Variants in ZNF185 observed in about 807,000 individuals in gnomAD.
ZNF185 encodes zinc finger protein 185.
Under a neutral mutation model 58.6 loss-of-function variants are expected in ZNF185, and 56 were observed. The ratio of observed to expected loss-of-function variants is 0.95; its 90% CI spans 0.77 to 1.19. The LOEUF is 1.19. Ranked by LOEUF, ZNF185 falls within the 50% of genes most tolerant of loss-of-function variation. The probability of loss-of-function intolerance (pLI) is 0.00; values close to 1 mark genes in which losing one functional copy is unlikely to be tolerated. For missense variants in ZNF185, 627 were observed against 573.5 expected (o/e 1.09, Z -0.95); for synonymous variants, 230 against 215.9 (o/e 1.07, Z -0.57).
chrX:152,942,085 G>A (rs1459584439), intron 15 of ZNF185, among the ~76,000 whole-genome samples: 2 of 95,273 alleles, frequency 2.1e-5, no homozygotes, highest in Non-Finnish European at 4.2e-5. Context: ...CGGGCTGACC[G>A]GGGCTGGTCT....
exon 22 of ZNF185, chrX:152,970,469 C>T (rs782293901): frequency 6.9e-5 from 84 of 1,209,890 alleles, no homozygotes; most frequent in Non-Finnish European, 9.1e-5. Flanking sequence ...AACCGATGGG[C>T]GATCTCCTGG....
In ZNF185 at chrX:152,970,840, G is replaced by A. The variant is rs782017161; in HGVS notation, c.*299G>A. Reference sequence around the variant, plus strand: ...CGGCCGCTGTTGTTAGCCCCATTTTGCAACAAGGAAATAAAGATATAGAAA... The same window carrying A: ...CGGCCGCTGTTGTTAGCCCCATTTTACAACAAGGAAATAAAGATATAGAAA... On this transcript the variant is annotated intron_variant, in intron 22 of 22. Transcript: ENST00000449285. 5.4e-5 allele frequency among the ~76,000 whole-genome samples: 6 copies of A among 111,228 alleles called. No homozygotes were observed. In the South Asian group the frequency reaches 2.3e-3, roughly 43 times the overall value.
At chrX:152,941,138 G>T (rs781833094) in intron 15 of ZNF185, among the ~76,000 whole-genome samples, 39 of 111,944 alleles carry the variant, frequency 3.5e-4, no homozygotes, top group Non-Finnish European at 6.4e-4. Flanking sequence ...TTTCTGGGGT[G>T]GGTCTCCATC....
chrX:152,935,292 C>G (rs535862380), intron 14 of ZNF185, among the ~76,000 whole-genome samples: 20 of 104,393 alleles, frequency 1.9e-4, no homozygotes, highest in Middle Eastern at 5.3e-3. Context: ...CTGGAGTGCA[C>G]TGGTGCGATC....
chrX:152,902,122 T>A, the ZNF185 span, among the ~76,000 whole-genome samples: 6 of 112,032 alleles, frequency 5.4e-5, no homozygotes, highest in African/African-American at 2.0e-4. Context: ...CCATCCCTCT[T>A]CCCGCAGAGC....
At chrX:152,963,201 C>G (rs2049725594) in intron 17 of ZNF185, among the ~76,000 whole-genome samples, 1 of 113,021 alleles carries the variant, frequency 8.8e-6, no homozygotes, top group African/African-American at 3.2e-5. Flanking sequence ...AGAGTGAGAG[C>G]CGATATTGGC....
At chrX:152,953,989 C>T (rs1350723728) in intron 16 of ZNF185, among the ~76,000 whole-genome samples, 1 of 111,780 alleles carries the variant, frequency 8.9e-6, no homozygotes, top group Non-Finnish European at 1.9e-5. Flanking sequence ...GATTCACCCG[C>T]CTTGGCCTCT....
At chrX:152,917,084 C>T (rs781980182) in intron 3 of ZNF185, 47 bp from the exon 5 acceptor site, 5 of 1,207,981 alleles carry the variant, frequency 4.1e-6, no homozygotes, top group South Asian at 3.5e-5. Context: ...ATGACCTCAG[C>T]CCTCCAGCAA....
intron 21 of ZNF185, among the ~76,000 whole-genome samples, chrX:152,969,842 G>A (rs1037755570): frequency 1.8e-5 from 2 of 112,628 alleles, no homozygotes; most frequent in Admixed American, 9.3e-5. Context: ...GTGACAGAGT[G>A]GGCTAGATCA....
chrX:152,915,980 G>C (rs1556865524), intron 3 of ZNF185, among the ~76,000 whole-genome samples: 1 of 111,931 alleles, frequency 8.9e-6, no homozygotes, highest in Non-Finnish European at 1.9e-5. Context: ...CGGTCTCTCT[G>C]TCACCCCTCG....
intron 20 of ZNF185, among the ~76,000 whole-genome samples, 166 bp downstream of exon 22, chrX:152,967,404 T>C (rs2050225985): frequency 1.8e-5 from 2 of 112,196 alleles, no homozygotes; most frequent in South Asian, 7.5e-4. Context: ...CTTGTTGGGA[T>C]ATCACACTTG....
In ZNF185 at chrX:152,915,360, G is replaced by T. The variant is rs782587342; in HGVS notation, c.224+157G>T. Reference sequence around the variant, plus strand: ...TGAGTAATTTGAAATCTGCAGGAAGGAGGGGCTTCTCCACTGCACCTTCCT... The same window carrying T: ...TGAGTAATTTGAAATCTGCAGGAAGTAGGGGCTTCTCCACTGCACCTTCCT... On this transcript the variant is annotated intron_variant, in intron 3 of 22. Coordinates refer to ENST00000449285, the Ensembl canonical transcript of ZNF185. Among the ~76,000 whole-genome samples the T allele has an allele frequency of 2.5e-3, 280 of 112,661 alleles. 2 individuals are homozygous for T. The highest frequency in any genetic ancestry group is 8.6e-3 in the African/African-American group (267 of 31,056).
chrX:152,932,556 AG>A (rs1474161516), intron 13 of ZNF185, among the ~76,000 whole-genome samples: 27 of 112,068 alleles, frequency 2.4e-4, no homozygotes. Context: ...AAATGAGGAA[AG>A]GAATCCCTCT....
intron 16 of ZNF185, among the ~76,000 whole-genome samples, chrX:152,946,556 T>C (rs1378735110): frequency 1.8e-5 from 2 of 111,679 alleles, no homozygotes; most frequent in African/African-American, 6.5e-5. Flanking sequence ...CAGTGTTCCA[T>C]GCAGAAGGGG....
chrX:152,936,177 C>A (rs2046257148), intron 14 of ZNF185, among the ~76,000 whole-genome samples: 2 of 112,735 alleles, frequency 1.8e-5, no homozygotes, highest in African/African-American at 3.2e-5. Context: ...AGGTAACATG[C>A]CCAATGTCAC....
At position 152,915,328 on chromosome X, in the gene ZNF185, T is replaced by C. The variant is rs1358756551; in HGVS notation, c.224+125T>C. On this transcript the variant is annotated intron_variant, in intron 3 of 22. Coordinates refer to ENST00000449285, the Ensembl canonical transcript of ZNF185. ...ACAGGGATGCAGCCCCAGCCAAGGG[T>C]CTGCAATGAGTAATTTGAAATCTGC... is the stretch of plus-strand genomic sequence containing the variant. 10 of 656,663 alleles carry C rather than the reference T, an allele frequency of 1.5e-5. No individual in the cohort carries two copies. The African/African-American group carries it at 2.0e-4, about 13-fold the overall frequency. The allele number at this position is 656,663 out of a possible 1,213,427, so 54.1% of individuals were successfully genotyped here.
At chrX:152,965,664 T>C (rs2050036002) in intron 19 of ZNF185, 137 bp downstream of exon 21, 1 of 508,370 alleles carries the variant, frequency 2.0e-6, no homozygotes, top group East Asian at 3.7e-5. Flanking sequence ...ATGAGTGATG[T>C]AGTTGCCCTC....
At chrX:152,947,005 G>GAC (rs2047848467) in intron 16 of ZNF185, among the ~76,000 whole-genome samples, 1 of 111,991 alleles carries the variant, frequency 8.9e-6, no homozygotes, top group Non-Finnish European at 1.9e-5. Flanking sequence ...TATACGACGA[G>GAC]ACAAGGCAGG....
At chrX:152,933,628 C>T (rs1326728878) in intron 14 of ZNF185, among the ~76,000 whole-genome samples, 8 of 112,387 alleles carry the variant, frequency 7.1e-5, no homozygotes, top group Non-Finnish European at 1.5e-4. Context: ...GGGGCAAAGG[C>T]TAGGTATGCA....
Sources: allele counts gnomAD v4.1 joint callset (sites outside exome capture counted in the v4.1 genomes callset), GRCh38; gene constraint gnomAD v4.1.1; transcripts MANE v1.5; gene names NCBI Gene and HGNC (gene_info 2026-07-23, HGNC 2026-07-21).